The following LTBP1 variants were observed in gnomAD, a reference collection of about 807,000 sequenced individuals.
The protein encoded by LTBP1 is latent-transforming growth factor beta-binding protein 1.
Under a neutral mutation model 207.6 loss-of-function variants are expected in LTBP1, and 129 were observed. The observed-to-expected ratio is 0.62, with a 90% CI of 0.54 to 0.72. The LOEUF (loss-of-function observed/expected upper bound fraction) is 0.72, where lower values mean the gene tolerates loss of function less well. Among genes scored for constraint, LTBP1 ranks in the 30% least tolerant of loss-of-function variants. The probability of loss-of-function intolerance (pLI) is 0.00; values close to 1 mark genes in which losing one functional copy is unlikely to be tolerated. For synonymous variants in LTBP1, 963 were observed against 833.7 expected, an observed-to-expected ratio of 1.16 and a Z score of -2.67; for missense variants, 2,281 against 2,217.2, an observed-to-expected ratio of 1.03 and a Z score of -0.58.
intron 20 of LTBP1, among the ~76,000 whole-genome samples, chr2:33,294,267 A>G: frequency 6.7e-6 from 1 of 148,270 alleles, no homozygotes; most frequent in Non-Finnish European, 1.5e-5. Flanking sequence ...CATGATCTTG[A>G]CTCACTGCAA....
chr2:32,948,752 ACT>A (rs1255218449), intron 1 of LTBP1, 121 bp from the exon 2 acceptor site: 11 of 889,786 alleles, frequency 1.2e-5, no homozygotes, highest in East Asian at 1.2e-4. Flanking sequence ...ACCTGTTAGG[ACT>A]CTCTCTCATC....
intron 3 of LTBP1, among the ~76,000 whole-genome samples, chr2:33,068,776 T>A (rs1333612734): frequency 6.6e-6 from 1 of 152,234 alleles, no homozygotes; most frequent in Non-Finnish European, 1.5e-5. Flanking sequence ...ATAATTATAC[T>A]TTGTTATTAA....
Position 33,108,812 on chromosome 2 carries a change from G to T in LTBP1, c.864-1770G>T, listed in dbSNP as rs569589316. 1.3e-3 allele frequency among the ~76,000 whole-genome samples: 205 copies of T among 152,254 alleles called. 1 individual carries two copies. Among genetic ancestry groups the T allele is most frequent in the Middle Eastern group, 6.8e-3 (2 of 294 alleles). On this transcript the variant is annotated intron_variant, in intron 3 of 33. Coordinates refer to ENST00000404816, the MANE Select transcript of LTBP1 (RefSeq NM_206943.4). ...CAAGAGGCTGATAGAAGAGACTTGT[G>T]GTTCTTATCAGTCACTACCAGATGT...
chr2:33,375,709 T>TA (rs1469446605), intron 31 of LTBP1, among the ~76,000 whole-genome samples: 1 of 149,682 alleles, frequency 6.7e-6, no homozygotes, highest in Non-Finnish European at 1.5e-5. Context: ...TTTGTATTTT[T>TA]TTTTTTTTTT....
chr2:33,093,302 C>T (rs183326794), intron 3 of LTBP1, among the ~76,000 whole-genome samples: 99 of 152,260 alleles, frequency 6.5e-4, no homozygotes, highest in Non-Finnish European at 1.3e-3. Context: ...TGGCTTGCCC[C>T]TCTTTCCCCT....
chr2:33,309,280 CAAA>C (rs200196283), intron 22 of LTBP1, among the ~76,000 whole-genome samples, 151 bp from the exon 23 acceptor site: 5 of 69,486 alleles, frequency 7.2e-5, no homozygotes, highest in Admixed American at 4.8e-4. Flanking sequence ...GACTCCGTCT[CAAA>C]AAAAAAAAAA....
At chr2:33,005,594 C>CTTT (rs57363701) in intron 2 of LTBP1, among the ~76,000 whole-genome samples, 1,468 of 132,864 alleles carry the variant, frequency 0.011, 43 homozygotes, top group African/African-American at 0.04. Flanking sequence ...TAAGCTCTAC[C>CTTT]TTTTTTTTTT....
chr2:33,271,571 T>C lies in LTBP1; in HGVS notation c.2618-2085T>C, dbSNP rs115176825. Among the ~76,000 whole-genome samples the C allele has an allele frequency of 7.2e-3, 1,099 of 151,948 alleles. 9 individuals are homozygous for C. Among genetic ancestry groups the C allele is most frequent in the African/African-American group, 0.024 (973 of 41,290 alleles). On this transcript the variant is annotated intron_variant, in intron 15 of 33. Transcript: ENST00000404816. Reference sequence around the variant, plus strand: ...CTTTTACCTTCAGATTTTAGGTACATACAAGTTATATTTTTAAGGAAGACT... The same window carrying C: ...CTTTTACCTTCAGATTTTAGGTACACACAAGTTATATTTTTAAGGAAGACT...
chr2:33,201,396 CAT>C, intron 7 of LTBP1, among the ~76,000 whole-genome samples: 1 of 147,750 alleles, frequency 6.8e-6, no homozygotes, highest in South Asian at 2.1e-4. Flanking sequence ...CCAAACACCG[CAT>C]ATTCTCACTC....
intron 7 of LTBP1, among the ~76,000 whole-genome samples, chr2:33,216,084 G>C (rs2090675985): frequency 6.6e-6 from 1 of 152,160 alleles, no homozygotes; most frequent in Non-Finnish European, 1.5e-5. Flanking sequence ...AGTTCCCTAG[G>C]TTGTTTGTTC....
At chr2:33,343,870 A>G (rs2094665006) in intron 25 of LTBP1, among the ~76,000 whole-genome samples, 1 of 152,222 alleles carries the variant, frequency 6.6e-6, no homozygotes, top group Admixed American at 6.5e-5. Flanking sequence ...ACATATTTGC[A>G]ATTAGAGCAA....
intron 32 of LTBP1, 58 bp downstream of exon 32, chr2:33,389,364 G>C: frequency 6.2e-7 from 1 of 1,602,890 alleles, no homozygotes; most frequent in Non-Finnish European, 8.5e-7. Flanking sequence ...TTAATCAGTG[G>C]TCCTCAAAAT....
chr2:33,071,981 T>A (rs1465925410), intron 3 of LTBP1, among the ~76,000 whole-genome samples: 1 of 152,192 alleles, frequency 6.6e-6, no homozygotes, highest in African/African-American at 2.4e-5. Flanking sequence ...TCTGACACTG[T>A]CTACCTGGAG....
intron 2 of LTBP1, among the ~76,000 whole-genome samples, chr2:33,000,396 C>T (rs1323958054): frequency 7.4e-6 from 1 of 135,384 alleles, no homozygotes; most frequent in Non-Finnish European, 1.6e-5. Context: ...CCACGCTCAT[C>T]CTGTGGAGCA....
rs2078069681 is a variant in LTBP1, at chr2:33,076,159, A to G, written c.864-34423A>G. Among the ~76,000 whole-genome samples the G allele has an allele frequency of 2.0e-5, 3 of 152,222 alleles. No individual in the cohort carries two copies. The South Asian group carries it at 6.2e-4, about 32-fold the overall frequency. Reference sequence around the variant, plus strand: ...TATTGAGCAGGATCGGGAGCTCACCAGGGAAAAATGTGACTTACGGAAGAA... The same window carrying G: ...TATTGAGCAGGATCGGGAGCTCACCGGGGAAAAATGTGACTTACGGAAGAA... On this transcript the variant is annotated intron_variant, in intron 3 of 33. Transcript: ENST00000404816.
Position 33,275,054 on chromosome 2 carries a change from G to A in LTBP1, c.2833G>A (p.Gly945Arg). 1 of 1,614,076 alleles carries A rather than the reference G, an allele frequency of 6.2e-7. No individual in the cohort carries two copies. ...AAGTTTCTTGTGCATTTGCCCAGCAGGATTTATGGCCAGTGAGGAGGGTAC... is the reference window on the plus strand; with the variant it reads ...AAGTTTCTTGTGCATTTGCCCAGCAAGATTTATGGCCAGTGAGGAGGGTAC... ...EGSFLCICPA[G>R]FMASEEGTNC... Residue 945 changes from glycine to arginine, a missense_variant, in exon 17 of 34, where the codon GGA (glycine) becomes AGA (arginine). Around this residue, in one of 3 missense-constraint regions of LTBP1, gnomAD observed 1,671 missense variants for 1,634.8 expected, o/e 1.02. Coordinates refer to ENST00000404816, the MANE Select transcript of LTBP1 (RefSeq NM_206943.4).
intron 2 of LTBP1, among the ~76,000 whole-genome samples, chr2:32,987,601 G>A (rs1313393052): frequency 6.6e-6 from 1 of 152,166 alleles, no homozygotes; most frequent in Non-Finnish European, 1.5e-5. Flanking sequence ...TTTGTCATCT[G>A]TATGTGAGAA....
In LTBP1 at chr2:33,239,663, T is replaced by C. The variant is rs571415413; in HGVS notation, c.1877-3999T>C. On this transcript the variant is annotated intron_variant, in intron 9 of 33. Coordinates refer to ENST00000404816, the MANE Select transcript of LTBP1 (RefSeq NM_206943.4). ...GGCTGAGCACTTTGGGAGGCCGAGG[T>C]GGGCGGATCACTTGAGGTCAGGAGT... Among the ~76,000 whole-genome samples the C allele has an allele frequency of 2.4e-3, 365 of 150,254 alleles. 4 individuals are homozygous for C. The highest frequency in any genetic ancestry group is 6.9e-3 in the Middle Eastern group (2 of 290).
At chr2:33,204,191 C>A (rs1285530755) in intron 7 of LTBP1, among the ~76,000 whole-genome samples, 1 of 152,046 alleles carries the variant, frequency 6.6e-6, no homozygotes, top group East Asian at 1.9e-4. Flanking sequence ...CTGTTTTTTT[C>A]CTTTCTCATC....
Sources: allele counts gnomAD v4.1 joint callset (sites outside exome capture counted in the v4.1 genomes callset), GRCh38; gene constraint gnomAD v4.1.1; regional missense constraint gnomAD v4.1.1; transcripts MANE v1.5; gene names NCBI Gene and HGNC (gene_info 2026-07-23, HGNC 2026-07-21).